VEPH1: variants seen among roughly 807,000 people sequenced by gnomAD.
VEPH1 encodes ventricular zone-expressed PH domain-containing protein homolog 1.
Under a neutral mutation model 85.2 loss-of-function variants are expected in VEPH1, and 80 were observed. That is an observed-to-expected ratio of 0.94 (90% CI 0.78 to 1.13). The LOEUF is 1.13. VEPH1 is among the 50% of genes most tolerant of loss of function. The probability of loss-of-function intolerance (pLI) is 0.00; values close to 1 mark genes in which losing one functional copy is unlikely to be tolerated. For synonymous variants in VEPH1, 297 were observed against 348.0 expected (o/e 0.85, Z 1.63); for missense variants, 955 against 980.5 (o/e 0.97, Z 0.35).
intron 4 of VEPH1, among the ~76,000 whole-genome samples, chr3:157,435,519 G>T (rs1733498928): frequency 6.6e-6 from 1 of 152,182 alleles, no homozygotes; most frequent in Non-Finnish European, 1.5e-5. Context: ...AGGTAACCCT[G>T]TGAGGGTCCT....
chr3:157,275,850 A>AT (rs5853778), intron 12 of VEPH1, among the ~76,000 whole-genome samples: 8 of 151,300 alleles, frequency 5.3e-5, no homozygotes, highest in South Asian at 2.1e-4. Flanking sequence ...GGTTTTACTG[A>AT]TTTTTTTTTC....
intron 9 of VEPH1, among the ~76,000 whole-genome samples, chr3:157,317,649 T>G (rs1364005780): frequency 6.6e-6 from 1 of 152,108 alleles, no homozygotes; most frequent in African/African-American, 2.4e-5. Context: ...CCAAAATAAC[T>G]CTGGCTGAGG....
intron 12 of VEPH1, among the ~76,000 whole-genome samples, chr3:157,278,245 G>C (rs1429352538): frequency 5.9e-5 from 9 of 152,216 alleles, no homozygotes; most frequent in African/African-American, 2.2e-4. Flanking sequence ...TACTGAAGCT[G>C]TGAATTTGAT....
intron 7 of VEPH1, among the ~76,000 whole-genome samples, chr3:157,371,592 G>A (rs930900329): frequency 4.6e-5 from 7 of 152,218 alleles, no homozygotes; most frequent in South Asian, 2.1e-4. Flanking sequence ...ACTTTAATAC[G>A]GTCCCCAGGT....
At chr3:157,288,200 A>C (rs1717025279) in intron 11 of VEPH1, among the ~76,000 whole-genome samples, 1 of 152,214 alleles carries the variant, frequency 6.6e-6, no homozygotes, top group Non-Finnish European at 1.5e-5. Context: ...AGAGGGACTT[A>C]ATGTTCTTAT....
At chr3:157,495,772 C>T (rs777836992) in intron 1 of VEPH1, among the ~76,000 whole-genome samples, 2 of 152,208 alleles carry the variant, frequency 1.3e-5, no homozygotes, top group African/African-American at 4.8e-5. Flanking sequence ...CTTTCTACAT[C>T]CTTCTCTTCT....
rs770139841 is a variant in VEPH1 at position 157,363,508 on chromosome 3, C to T, written c.1591G>A (p.Glu531Lys). 1 of 1,614,072 alleles carries T rather than the reference C, an allele frequency of 6.2e-7. No individual in the cohort carries two copies. Among genetic ancestry groups the T allele is most frequent in the Non-Finnish European group, 8.5e-7 (1 of 1,180,004 alleles). ...CTTGCAGTTGTCTCTGGAGTTTCTT[C>T]CTGGGAGTTTTCTTTAACAGTTTCT... ...LSETVKENSQEETPETTASPI... is the reference protein window; with the variant it reads ...LSETVKENSQKETPETTASPI... Residue 531 changes from glutamate (E) to lysine (K), a missense_variant, in exon 9 of 14, where the codon GAA becomes AAA. Glu to Lys is a moderately conservative substitution (Grantham distance 56). Coordinates refer to ENST00000362010, the MANE Select transcript of VEPH1 (RefSeq NM_001167912.2).
chr3:157,338,014 A>G (rs1723133263), intron 9 of VEPH1, among the ~76,000 whole-genome samples: 4 of 152,072 alleles, frequency 2.6e-5, no homozygotes, highest in African/African-American at 9.7e-5. Context: ...TACCAGGTCC[A>G]TTCCTCAACC....
intron 9 of VEPH1, among the ~76,000 whole-genome samples, chr3:157,320,808 A>G (rs1027522093): frequency 6.6e-6 from 1 of 152,210 alleles, no homozygotes; most frequent in African/African-American, 2.4e-5. Context: ...ATACAAAAAT[A>G]CAAGAATATT....
At chr3:157,437,065 TA>T (rs1349480880) in intron 4 of VEPH1, 2 of 1,613,676 alleles carry the variant, frequency 1.2e-6, no homozygotes, top group Non-Finnish European at 1.7e-6. Flanking sequence ...CTGAGGACCG[TA>T]AGTTCACTTT....
At chr3:157,272,370 C>T (rs1458692072) in intron 12 of VEPH1, among the ~76,000 whole-genome samples, 1 of 111,276 alleles carries the variant, frequency 9.0e-6, no homozygotes, top group Non-Finnish European at 1.8e-5. Context: ...CTTTCTTTCT[C>T]TTTCTTTTCT....
At chr3:157,438,035 G>GCTCA (rs1294089889) in intron 4 of VEPH1, 2 of 701,924 alleles carry the variant, frequency 2.8e-6, no homozygotes, top group East Asian at 3.5e-5. Flanking sequence ...GCGCGCGCGC[G>GCTCA]CGCACACACA....
chr3:157,371,375 G>A (rs2108812925), intron 7 of VEPH1, among the ~76,000 whole-genome samples: 1 of 152,318 alleles, frequency 6.6e-6, no homozygotes, highest in South Asian at 2.1e-4. Flanking sequence ...TTCTAATTCA[G>A]ATGCCCAATC....
At chr3:157,487,671 A>G (rs1260565237) in intron 2 of VEPH1, among the ~76,000 whole-genome samples, 2 of 152,184 alleles carry the variant, frequency 1.3e-5, no homozygotes, top group Non-Finnish European at 2.9e-5. Context: ...AAACTACTTT[A>G]AAAATAGCAA....
Position 157,304,038 on chromosome 3 carries a change from T to TATATATATAC in VEPH1, c.2010+9582_2010+9583insGTATATATAT. Among the ~76,000 whole-genome samples the TATATATATAC allele has an allele frequency of 4.6e-4, 45 of 96,920 alleles. 2 individuals are homozygous for TATATATATAC. Among genetic ancestry groups the TATATATATAC allele is most frequent in the Non-Finnish European group, 8.3e-4 (35 of 42,076 alleles). 63.6% of individuals were successfully genotyped at this position (96,920 alleles called of 152,430 possible). On this transcript the variant is annotated intron_variant, in intron 11 of 13. Coordinates refer to ENST00000362010, the MANE Select transcript of VEPH1 (RefSeq NM_001167912.2). ...CTTATATTTTTTATATATATATATA[T>TATATATATAC]ACACACATACTGTTACATCTTATAT...
intron 11 of VEPH1, among the ~76,000 whole-genome samples, chr3:157,310,220 T>C (rs1448083454): frequency 2.0e-5 from 3 of 152,244 alleles, no homozygotes; most frequent in Non-Finnish European, 4.4e-5. Flanking sequence ...TTCATCTTCC[T>C]ACCTCCACTC....
intron 9 of VEPH1, among the ~76,000 whole-genome samples, chr3:157,328,777 G>A (rs558921239): frequency 5.3e-5 from 8 of 152,236 alleles, no homozygotes; most frequent in African/African-American, 1.7e-4. Context: ...TCAAAGCTTC[G>A]TGGCAGGAAG....
intron 13 of VEPH1, among the ~76,000 whole-genome samples, chr3:157,263,947 G>A (rs1457397191): frequency 6.6e-6 from 1 of 152,092 alleles, no homozygotes; most frequent in Non-Finnish European, 1.5e-5. Flanking sequence ...TAATTTATGT[G>A]TCAACTTGAC....
intron 9 of VEPH1, among the ~76,000 whole-genome samples, chr3:157,360,982 G>T (rs1380651670): frequency 6.6e-6 from 1 of 152,140 alleles, no homozygotes; most frequent in African/African-American, 2.4e-5. Flanking sequence ...AACCTTTAAT[G>T]CTTTAGATCA....
Sources: gnomAD v4.1 joint callset for allele counts (sites outside exome capture counted in the v4.1 genomes callset) on GRCh38, gnomAD v4.1.1 for gene constraint, MANE v1.5 for transcripts, NCBI Gene and HGNC (gene_info 2026-07-23, HGNC 2026-07-21) for gene names.